The following ARHGAP39 variants were observed in gnomAD, a reference collection of about 807,000 sequenced individuals.
ARHGAP39 encodes the protein Rho GTPase activating protein 39.
Under a neutral mutation model 106.9 loss-of-function variants are expected in ARHGAP39, and 44 were observed. The ratio of observed to expected loss-of-function variants is 0.41; its 90% CI spans 0.32 to 0.53. The LOEUF is 0.53. Among genes scored for constraint, ARHGAP39 ranks in the 20% least tolerant of loss-of-function variants. The probability of loss-of-function intolerance (pLI) is 0.21; values close to 1 mark genes in which losing one functional copy is unlikely to be tolerated. For missense variants in ARHGAP39, 1,496 were observed against 1,577.3 expected, an observed-to-expected ratio of 0.95 and a Z score of 0.87; for synonymous variants, 768 against 693.2, an observed-to-expected ratio of 1.11 and a Z score of -1.69.
chr8:144,688,868 G>A (rs1015193528), upstream of ARHGAP39, among the ~76,000 whole-genome samples: 14 of 152,228 alleles, frequency 9.2e-5, no homozygotes, highest in African/African-American at 3.4e-4. Context: ...ATTTTTTGAG[G>A]ACTGTAACAA....
chr8:144,658,623 T>G (rs1345929572), intron 1 of ARHGAP39, among the ~76,000 whole-genome samples: 1 of 152,070 alleles, frequency 6.6e-6, no homozygotes, highest in Non-Finnish European at 1.5e-5. Context: ...AATTTTGGTA[T>G]CCACAGGGTG....
chr8:144,611,345 C>T (rs1019513455), intron 1 of ARHGAP39, among the ~76,000 whole-genome samples: 1 of 152,128 alleles, frequency 6.6e-6, no homozygotes, highest in Admixed American at 6.5e-5. Context: ...GAACGTGCTG[C>T]CGGGTGAAGT....
intron 2 of ARHGAP39, among the ~76,000 whole-genome samples, chr8:144,603,269 G>A (rs1326268499): frequency 1.3e-5 from 2 of 151,198 alleles, no homozygotes; most frequent in Non-Finnish European, 2.9e-5. Flanking sequence ...CTGTGTGCAT[G>A]TGCGTGGAGG....
At chr8:144,534,972 C>T (rs1001253422) in intron 7 of ARHGAP39, among the ~76,000 whole-genome samples, 1 of 152,228 alleles carries the variant, frequency 6.6e-6, no homozygotes, top group Non-Finnish European at 1.5e-5. Context: ...CACCTTCCTG[C>T]TCCAGGTCGG....
chr8:144,614,140 C>T (rs1375548640), intron 1 of ARHGAP39, among the ~76,000 whole-genome samples: 1 of 152,144 alleles, frequency 6.6e-6, no homozygotes, highest in Non-Finnish European at 1.5e-5. Flanking sequence ...TCAGTCTTTC[C>T]TGTTGCTCTT....
At chr8:144,638,055 T>C (rs1821219608) in intron 1 of ARHGAP39, among the ~76,000 whole-genome samples, 1 of 152,184 alleles carries the variant, frequency 6.6e-6, no homozygotes. Flanking sequence ...GAAGCATCTT[T>C]AATGATGGTC....
upstream of ARHGAP39, among the ~76,000 whole-genome samples, chr8:144,686,049 C>A (rs868451693): frequency 1.3e-5 from 2 of 151,978 alleles, no homozygotes; most frequent in African/African-American, 4.8e-5. Context: ...CGTCGCCGCG[C>A]CAGAGGCCTC....
rs934290310 is a variant in ARHGAP39 at position 144,645,232 on chromosome 8, C to A, written c.-81-39537G>T. Among the ~76,000 whole-genome samples, 1 of 152,226 alleles carries A rather than the reference C, an allele frequency of 6.6e-6. No homozygotes were observed. The highest frequency in any genetic ancestry group is 2.4e-5 in the African/African-American group (1 of 41,462). ...AGAAGAAGCTGGATGAAGTCACAGC[C>A]GTGAAACTCAGGCTGGAAGCTCTGG... On this transcript the variant is annotated intron_variant, in intron 1 of 11. Transcript: ENST00000377307. The surrounding 1 kb of genome is among the most constrained non-coding windows in gnomAD (Gnocchi z 4.4).
At chr8:144,541,218 T>C (rs1817178606) in intron 6 of ARHGAP39, among the ~76,000 whole-genome samples, 1 of 152,312 alleles carries the variant, frequency 6.6e-6, no homozygotes, top group East Asian at 1.9e-4. Flanking sequence ...TCTTCCCCCT[T>C]TGCTAGAAGC....
intron 1 of ARHGAP39, among the ~76,000 whole-genome samples, chr8:144,665,526 G>C (rs951176974): frequency 1.3e-5 from 2 of 152,182 alleles, no homozygotes; most frequent in African/African-American, 4.8e-5. Flanking sequence ...GTAGTTTTGT[G>C]GGCCAGGCCC....
intron 1 of ARHGAP39, among the ~76,000 whole-genome samples, chr8:144,626,767 T>C (rs1379466182): frequency 6.6e-6 from 1 of 152,140 alleles, no homozygotes; most frequent in Non-Finnish European, 1.5e-5. Context: ...CGCCCGCGGC[T>C]CTGCTGGGCA....
intron 1 of ARHGAP39, among the ~76,000 whole-genome samples, chr8:144,617,205 T>TAA (rs377397330): frequency 3.6e-5 from 5 of 139,514 alleles, no homozygotes; most frequent in Admixed American, 2.2e-4. Flanking sequence ...AGACTCTGTG[T>TAA]AAAAAAAAAA....
chr8:144,602,149 CTGTG>C (rs201597487), intron 2 of ARHGAP39, among the ~76,000 whole-genome samples: 2,162 of 103,562 alleles, frequency 0.021, 74 homozygotes, highest in African/African-American at 0.079. Flanking sequence ...GCTCATGTAC[CTGTG>C]TGTGTGTGCG....
chr8:144,629,673 T>A (rs1368181994), intron 1 of ARHGAP39, among the ~76,000 whole-genome samples: 1 of 152,226 alleles, frequency 6.6e-6, no homozygotes, highest in Non-Finnish European at 1.5e-5. Context: ...GGTGATGGCA[T>A]TGACAGCAAT....
At chr8:144,629,223 A>G (rs891778589) in intron 1 of ARHGAP39, among the ~76,000 whole-genome samples, 2 of 152,216 alleles carry the variant, frequency 1.3e-5, no homozygotes, top group Non-Finnish European at 2.9e-5. Context: ...CCCTTTTCCC[A>G]GTCACCACTC....
chr8:144,544,568 G>A (rs1483888436), intron 6 of ARHGAP39, among the ~76,000 whole-genome samples: 1 of 152,258 alleles, frequency 6.6e-6, no homozygotes, highest in Non-Finnish European at 1.5e-5. Flanking sequence ...GTGGAGAGCT[G>A]CTTGCTGCAG....
intron 1 of ARHGAP39, among the ~76,000 whole-genome samples, chr8:144,660,549 C>G (rs928913568): frequency 6.6e-6 from 1 of 152,194 alleles, no homozygotes; most frequent in South Asian, 2.1e-4. Context: ...CTCAGTCTTG[C>G]AAGCCATGAT....
At chr8:144,561,387 C>T (rs925799480) in intron 3 of ARHGAP39, among the ~76,000 whole-genome samples, 1 of 149,832 alleles carries the variant, frequency 6.7e-6, no homozygotes, top group Non-Finnish European at 1.5e-5. Context: ...ATCGGACTCA[C>T]CCCAGTGGTG....
intron 2 of ARHGAP39, among the ~76,000 whole-genome samples, chr8:144,600,224 G>A (rs1383942896): frequency 7.1e-6 from 1 of 141,684 alleles, no homozygotes; most frequent in Non-Finnish European, 1.5e-5. Context: ...GGGGGCATGT[G>A]TGCAAGCTCG....
Sources: gnomAD v4.1 joint callset for allele counts (sites outside exome capture counted in the v4.1 genomes callset) on GRCh38, gnomAD v4.1.1 for gene constraint, Gnocchi (gnomAD v3.1) non-coding constraint, MANE v1.5 for transcripts, NCBI Gene and HGNC (gene_info 2026-07-23, HGNC 2026-07-21) for gene names.